Variants in ASIC2 observed in about 807,000 individuals in gnomAD.
ASIC2 encodes acid sensing ion channel subunit 2, also known as acid-sensing ion channel 2.
Under a neutral mutation model 57.3 loss-of-function variants are expected in ASIC2, and 25 were observed. That is an observed-to-expected ratio of 0.44 (90% CI 0.32 to 0.61). The LOEUF is 0.61. ASIC2 is among the 20% of genes least tolerant of loss of function. The pLI, the probability that ASIC2 is intolerant of heterozygous loss-of-function variation, is 0.06. For synonymous variants in ASIC2, 319 were observed against 307.5 expected, an observed-to-expected ratio of 1.04 and a Z score of -0.39; for missense variants, 641 against 738.1, an observed-to-expected ratio of 0.87 and a Z score of 1.52.
chr17:33,364,012 A>G (rs920413399), intron 1 of ASIC2, among the ~76,000 whole-genome samples: 2 of 152,134 alleles, frequency 1.3e-5, no homozygotes, highest in African/African-American at 4.8e-5. Context: ...GCTGGAAGTG[A>G]TCACAGAGAT....
chr17:34,156,743 A>AT lies in ASIC2; in HGVS notation c.-212dup, dbSNP rs759320686. On this transcript the variant is annotated 5_prime_UTR_variant, in exon 1 of 10. Coordinates refer to the ASIC2 transcript ENST00000359872. The surrounding 1 kb of genome is among the most constrained non-coding windows in gnomAD (Gnocchi z 4.4). ...AAACCCATTCAAACTCTAGCTCTTG[A>AT]TTTTTTCCAGGCGATAAGGAGGGCT... 2.2e-5 allele frequency: 12 copies of AT among 554,356 alleles called. No homozygotes were observed. The highest frequency in any genetic ancestry group is 3.5e-5 in the Admixed American group (1 of 28,852). The allele number at this position is 554,356 out of a possible 1,614,324, so 34.3% of individuals were successfully genotyped here.
chr17:33,366,829 T>C (rs924847), intron 1 of ASIC2, among the ~76,000 whole-genome samples: 125,704 of 152,212 alleles, frequency 0.83, 52,025 homozygotes, highest in South Asian at 0.92. Flanking sequence ...TTTCTATCAG[T>C]ATTGGACAAA....
chr17:33,096,018 T>C (rs2092177546), intron 2 of ASIC2, among the ~76,000 whole-genome samples: 1 of 152,240 alleles, frequency 6.6e-6, no homozygotes, highest in African/African-American at 2.4e-5. Context: ...GCACCTGCTG[T>C]GGCACTGCTC....
intron 1 of ASIC2, among the ~76,000 whole-genome samples, chr17:33,696,206 G>A (rs1292658638): frequency 6.8e-6 from 1 of 146,284 alleles, no homozygotes; most frequent in Non-Finnish European, 1.5e-5. Context: ...CACTGGGTCA[G>A]CATCGTTTTT....
At chr17:33,196,712 T>C (rs1906643702) in intron 1 of ASIC2, among the ~76,000 whole-genome samples, 1 of 152,194 alleles carries the variant, frequency 6.6e-6, no homozygotes, top group South Asian at 2.1e-4. Flanking sequence ...CCTCTGGGCT[T>C]GAGACAGAGA....
chr17:34,038,431 T>A lies in ASIC2; in HGVS notation c.555+117547A>T, dbSNP rs1907975679. On this transcript the variant is annotated intron_variant, in intron 1 of 9. Transcript: ENST00000359872. ...ATGCATGCTTGTGGTAATTCTCCTT[T>A]TTCTCATCTCTCCAGTTTTTATTTA... The A allele has an allele frequency of 6.8e-6, 11 of 1,612,318 alleles. No individual in the cohort carries two copies. The South Asian group carries it at 1.1e-4, about 16-fold the overall frequency.
At chr17:34,039,186 C>T in intron 1 of ASIC2, 2 of 1,614,006 alleles carry the variant, frequency 1.2e-6, no homozygotes, top group South Asian at 2.2e-5. Context: ...CCTCCTTCTT[C>T]TCTAAGTCAG....
intron 2 of ASIC2, among the ~76,000 whole-genome samples, chr17:33,104,043 G>T (rs975873399): frequency 1.3e-5 from 2 of 152,126 alleles, no homozygotes; most frequent in African/African-American, 4.8e-5. Flanking sequence ...GCCTTTGCTG[G>T]CTTCCTCAGT....
At chr17:33,419,893 GGTTCC>G (rs999011165) in intron 1 of ASIC2, among the ~76,000 whole-genome samples, 11 of 152,086 alleles carry the variant, frequency 7.2e-5, no homozygotes, top group Admixed American at 5.2e-4. Context: ...CAGACAGTGT[GGTTCC>G]ATTTGTGCAA....
chr17:33,914,186 A>G (rs1349318369), intron 1 of ASIC2, among the ~76,000 whole-genome samples: 1 of 152,222 alleles, frequency 6.6e-6, no homozygotes, highest in Non-Finnish European at 1.5e-5. Flanking sequence ...GAGAGGCCAT[A>G]TAGGACATCT....
intron 1 of ASIC2, among the ~76,000 whole-genome samples, chr17:33,262,905 G>A (rs936069788): frequency 3.3e-5 from 5 of 150,042 alleles, no homozygotes; most frequent in African/African-American, 1.2e-4. Flanking sequence ...GAGGGCTTAA[G>A]GCTGCCGTGG....
chr17:33,900,562 A>C (rs765297089), intron 1 of ASIC2, among the ~76,000 whole-genome samples: 17 of 152,232 alleles, frequency 1.1e-4, no homozygotes, highest in Non-Finnish European at 2.2e-4. Flanking sequence ...GAAGTAAAAA[A>C]AAATTTTTTA....
chr17:33,376,372 AT>A (rs1390670085), intron 1 of ASIC2, among the ~76,000 whole-genome samples: 1 of 139,812 alleles, frequency 7.2e-6, no homozygotes, highest in African/African-American at 2.7e-5. Context: ...CTTTTTTTTT[AT>A]TATACTTTAA....
chr17:33,923,946 C>T lies in ASIC2; in HGVS notation c.555+232032G>A, dbSNP rs910819715. On this transcript the variant is annotated intron_variant, in intron 1 of 9. Transcript: ENST00000359872. ...TGGCAGAAGATACAGGGAAGAGAGCCCCGGACTCACAGGCAGAATGGGCCA... is the reference window on the plus strand; with the variant it reads ...TGGCAGAAGATACAGGGAAGAGAGCTCCGGACTCACAGGCAGAATGGGCCA... Among the ~76,000 whole-genome samples, 4 of 152,250 alleles carry T rather than the reference C, an allele frequency of 2.6e-5. No homozygotes were observed. The East Asian group carries it at 7.7e-4, about 29-fold the overall frequency.
At chr17:33,073,128 G>A (rs1464215752) in intron 3 of ASIC2, among the ~76,000 whole-genome samples, 4 of 152,320 alleles carry the variant, frequency 2.6e-5, no homozygotes, top group South Asian at 4.1e-4. Flanking sequence ...GAATAGCCGG[G>A]AGCAAAATCA....
At chr17:34,040,821 A>G (rs1005477936) in intron 1 of ASIC2, among the ~76,000 whole-genome samples, 1 of 152,228 alleles carries the variant, frequency 6.6e-6, no homozygotes, top group Admixed American at 6.5e-5. Flanking sequence ...AACACCAAAT[A>G]TAACTACAGT....
chr17:33,744,910 G>A (rs1384567943), intron 1 of ASIC2, among the ~76,000 whole-genome samples: 1 of 152,136 alleles, frequency 6.6e-6, no homozygotes, highest in Non-Finnish European at 1.5e-5. Context: ...CAACGAACAT[G>A]AAAAATTATT....
chr17:33,135,322 C>T (rs2092363353), intron 1 of ASIC2, among the ~76,000 whole-genome samples: 1 of 152,178 alleles, frequency 6.6e-6, no homozygotes, highest in South Asian at 2.1e-4. Context: ...ATACTTTCCC[C>T]TCTTCAAGAG....
At chr17:33,747,170 C>T (rs1567704784) in intron 1 of ASIC2, among the ~76,000 whole-genome samples, 1 of 150,616 alleles carries the variant, frequency 6.6e-6, no homozygotes, top group African/African-American at 2.4e-5. Flanking sequence ...ATGATGAACT[C>T]TCTGCTCTCC....
Sources: allele counts gnomAD v4.1 joint callset (sites outside exome capture counted in the v4.1 genomes callset), GRCh38; gene constraint gnomAD v4.1.1; non-coding constraint Gnocchi (gnomAD v3.1); transcripts MANE v1.5; gene names NCBI Gene and HGNC (gene_info 2026-07-23, HGNC 2026-07-21).